The following KDM1A variants were observed in gnomAD, a reference collection of about 807,000 sequenced individuals.
The protein encoded by KDM1A is lysine demethylase 1A.
In KDM1A, 49 loss-of-function variants were observed where a neutral mutation model predicts 109.4. The ratio of observed to expected loss-of-function variants is 0.45; its 90% CI spans 0.36 to 0.57. The LOEUF is 0.57. Ranked by LOEUF, KDM1A falls within the 20% of genes least tolerant of loss-of-function variation. The pLI is 0.00. For synonymous variants in KDM1A, 380 were observed against 415.4 expected, an observed-to-expected ratio of 0.91 and a Z score of 1.04; for missense variants, 668 against 1,116.6, an observed-to-expected ratio of 0.60 and a Z score of 5.73.
chr1:23,027,781 T>C (rs931007840), intron 1 of KDM1A, among the ~76,000 whole-genome samples: 1 of 150,252 alleles, frequency 6.7e-6, no homozygotes, highest in Non-Finnish European at 1.5e-5. Flanking sequence ...TGAACAGACA[T>C]GGCAGAAGAA....
At chr1:23,042,710 C>T (rs1158748391) in intron 2 of KDM1A, among the ~76,000 whole-genome samples, 1 of 150,988 alleles carries the variant, frequency 6.6e-6, no homozygotes. Context: ...CCTCGGCCTC[C>T]CAAAGTGCTG....
chr1:23,078,854 T>G (rs1446995793), intron 16 of KDM1A, 136 bp from the exon 17 acceptor site: 3 of 815,198 alleles, frequency 3.7e-6, no homozygotes, highest in Non-Finnish European at 5.9e-6. Flanking sequence ...AGTTTTCTTA[T>G]GTGAAACATG....
rs1213079864 is a variant in KDM1A at position 23,054,603 on chromosome 1, C to A, written c.791-466C>A. Among the ~76,000 whole-genome samples the A allele has an allele frequency of 2.0e-5, 3 of 152,102 alleles. No individual in the cohort carries two copies. The South Asian group carries it at 6.2e-4, about 32-fold the overall frequency. On this transcript the variant is annotated intron_variant, in intron 5 of 20. Coordinates refer to ENST00000400181, the MANE Select transcript of KDM1A (RefSeq NM_001009999.3). ...CAGGCACCATCATGCATGGCTAATT[C>A]TTTGTTTTTTTGTAGAGTCGGGGTC...
chr1:23,072,286 C>A, intron 14 of KDM1A, 89 bp downstream of exon 14: 2 of 928,438 alleles, frequency 2.2e-6, no homozygotes, highest in Non-Finnish European at 3.4e-6. Flanking sequence ...TCATAATGAG[C>A]TTTTATTTAT....
intron 2 of KDM1A, among the ~76,000 whole-genome samples, chr1:23,030,835 A>C (rs1012993264): frequency 6.6e-6 from 1 of 152,126 alleles, no homozygotes; most frequent in African/African-American, 2.4e-5. Flanking sequence ...AGATACGTAC[A>C]TACTGGTACT....
In KDM1A at chr1:23,036,159, AAATGGAGCC is replaced by A. The variant is rs1440144795; in HGVS notation, c.517+5527_517+5535del. The stretch of plus-strand genomic sequence containing the variant: ...CTCTGATTTCTCTCTCCATGCCTGC[AAATGGAGCC>A]AGAGAGAAGGACTAGCTTTCAGGTT... On this transcript the variant is annotated intron_variant, in intron 2 of 20. Transcript: ENST00000400181. Among the ~76,000 whole-genome samples the A allele has an allele frequency of 3.3e-5, 5 of 152,158 alleles. No homozygotes were observed. The East Asian group carries it at 9.7e-4, about 29-fold the overall frequency.
intron 15 of KDM1A, 76 bp from the exon 16 acceptor site, chr1:23,077,152 G>C (rs1468247560): frequency 7.2e-7 from 1 of 1,379,692 alleles, no homozygotes; most frequent in African/African-American, 1.4e-5. Flanking sequence ...TGTTTTCATT[G>C]TTGTTGTACA....
At chr1:23,060,389 T>C (rs1642964878) in intron 9 of KDM1A, among the ~76,000 whole-genome samples, 1 of 152,202 alleles carries the variant, frequency 6.6e-6, no homozygotes, top group South Asian at 2.1e-4. Context: ...ATCTGTCCCA[T>C]TCCTGCACTT....
At chr1:23,035,465 G>A (rs144044398) in intron 2 of KDM1A, among the ~76,000 whole-genome samples, 6,059 of 152,214 alleles carry the variant, frequency 0.04, 412 homozygotes, top group African/African-American at 0.14. Context: ...GCCTCCCAAA[G>A]TGCTGGGATT....
At chr1:23,072,278 A>G in intron 14 of KDM1A, 81 bp downstream of exon 14, 2 of 976,754 alleles carry the variant, frequency 2.0e-6, no homozygotes, top group Non-Finnish European at 3.2e-6. Flanking sequence ...ATTCTAAATC[A>G]TAATGAGCTT....
At position 23,079,517 on chromosome 1, in the gene KDM1A, C is replaced by G. The variant is rs369836490; in HGVS notation, c.2056-36C>G. ...CTGTTGAAGCCAGTATTATCTGGCC[C>G]CTGTCACTGGCTCATGTGCTTCTTT... On this transcript the variant is annotated intron_variant, in intron 17 of 20. Transcript: ENST00000400181. This position sits in a 1 kb window ranked among gnomAD's most constrained non-coding sequence, Gnocchi z 5.6. 1.3e-6 allele frequency: 2 copies of G among 1,503,788 alleles called. No individual in the cohort carries two copies. Among genetic ancestry groups the G allele is most frequent in the African/African-American group, 2.8e-5 (2 of 72,232 alleles). The allele number at this position is 1,503,788 out of a possible 1,614,324, so 93.2% of individuals were successfully genotyped here.
intron 10 of KDM1A, among the ~76,000 whole-genome samples, 166 bp from the exon 11 acceptor site, chr1:23,068,373 A>G (rs998193290): frequency 6.6e-6 from 1 of 152,204 alleles, no homozygotes; most frequent in African/African-American, 2.4e-5. Context: ...TCTCATTTAA[A>G]TGGATCTGAC....
chr1:23,082,342 C>G lies in KDM1A; in HGVS notation c.2421C>G (p.Gly807=). 1 of 1,613,626 alleles carries G rather than the reference C, an allele frequency of 6.2e-7. No homozygotes were observed. Among genetic ancestry groups the G allele is most frequent in the Non-Finnish European group, 8.5e-7 (1 of 1,179,780 alleles). The change falls in exon 20 of 21, where the codon GGC becomes GGG. Residue 807 remains glycine (G), a synonymous_variant. Transcript: ENST00000400181. ...TAATGGCTCAGCCAATCACTCCTGG[C>G]CCCTCGATTCCAGGTGCCCCACAGG... ...YDLMAQPITP[G]PSIPGAPQPI... is the part of the protein sequence containing the mutation.
chr1:23,080,011 C>T (rs997464030), intron 18 of KDM1A, among the ~76,000 whole-genome samples: 2 of 152,138 alleles, frequency 1.3e-5, no homozygotes, highest in African/African-American at 4.8e-5. Context: ...ACTGACTTGC[C>T]CCTGATTCTT....
chr1:23,019,834 T>G lies in KDM1A; in HGVS notation c.238T>G (p.Ser80Ala). The change falls in exon 1 of 21, where the codon TCC becomes GCC. Residue 80 changes from serine to alanine, a missense_variant. By Grantham distance (99) the Ser-to-Ala change is moderately conservative (BLOSUM62 1). Transcript: ENST00000400181. ...PPGGLAEPPG[S>A]AGPQAGPTVV... ...CGGGGGCCTGGCGGAACCGCCGGGG[T>G]CCGCAGGGCCTCAGGCCGGCCCTAC... 1.4e-6 allele frequency: 2 copies of G among 1,441,170 alleles called. No homozygotes were observed. Among genetic ancestry groups the G allele is most frequent in the Non-Finnish European group, 1.8e-6 (2 of 1,099,164 alleles). The allele number at this position is 1,441,170 out of a possible 1,614,324, so 89.3% of individuals were successfully genotyped here.
chr1:23,019,648 G>A lies in KDM1A; in HGVS notation c.52G>A (p.Ala18Thr), dbSNP rs1056135531. The A allele has an allele frequency of 5.0e-6, 7 of 1,411,792 alleles. No homozygotes were observed. The South Asian group carries it at 9.2e-5, about 19-fold the overall frequency. The allele number at this position is 1,411,792 out of a possible 1,614,324, so 87.5% of individuals were successfully genotyped here. ...AAAAAAAAAA[A>T]TGTEAGPGTA... ...CGCGGCGGCGGCGGCTGCAGCGGCA[G>A]CAACCGGGACGGAGGCTGGCCCTGG... Residue 18 changes from alanine (A) to threonine (T), a missense_variant, in exon 1 of 21, where the codon GCA becomes ACA. By Grantham distance (58) the Ala-to-Thr change is moderately conservative (BLOSUM62 0). Transcript: ENST00000400181.
At chr1:23,078,520 T>C (rs1040368283) in intron 16 of KDM1A, among the ~76,000 whole-genome samples, 2 of 152,258 alleles carry the variant, frequency 1.3e-5, no homozygotes, top group African/African-American at 2.4e-5. Flanking sequence ...TTCTCAAGCA[T>C]AGCACGCTCC....
intron 9 of KDM1A, among the ~76,000 whole-genome samples, chr1:23,064,861 A>G (rs1643116076): frequency 6.6e-6 from 1 of 152,226 alleles, no homozygotes. Context: ...GGAACTATTT[A>G]CCTGGAGCCT....
At chr1:23,054,164 A>T (rs141972530) in intron 5 of KDM1A, among the ~76,000 whole-genome samples, 1 of 152,136 alleles carries the variant, frequency 6.6e-6, no homozygotes. Flanking sequence ...GGCACCAACA[A>T]TGTCTTGTGA....
Sources: gnomAD v4.1 joint callset for allele counts (sites outside exome capture counted in the v4.1 genomes callset) on GRCh38, gnomAD v4.1.1 for gene constraint, Gnocchi (gnomAD v3.1) non-coding constraint, MANE v1.5 for transcripts, NCBI Gene and HGNC (gene_info 2026-07-23, HGNC 2026-07-21) for gene names.